The following ZNF569 variants were observed in gnomAD, a reference collection of about 807,000 sequenced individuals.
The protein encoded by ZNF569 is DNA-binding protein.
ZNF569 carries 38 observed loss-of-function variants against 56.3 expected under a neutral mutation model. The observed-to-expected ratio is 0.68, with a 90% CI of 0.52 to 0.88. The LOEUF is 0.88. ZNF569 is among the 40% of genes least tolerant of loss of function. The pLI is 0.00. For synonymous variants in ZNF569, 241 were observed against 262.9 expected, an observed-to-expected ratio of 0.92 and a Z score of 0.81; for missense variants, 666 against 809.2, an observed-to-expected ratio of 0.82 and a Z score of 2.15.
intron 3 of ZNF569, chr19:37,427,673 C>T (rs1200628483): frequency 2.5e-6 from 1 of 400,448 alleles, no homozygotes; most frequent in African/African-American, 2.1e-5. Flanking sequence ...GGGAGATCAG[C>T]TCCTGAAAGC....
chr19:37,415,718 A>C (rs1300560284), intron 5 of ZNF569, among the ~76,000 whole-genome samples: 1 of 150,278 alleles, frequency 6.7e-6, no homozygotes, highest in African/African-American at 2.4e-5. Flanking sequence ...AAAATACAAA[A>C]AAAAAAAAAA....
In ZNF569 at chr19:37,413,675, C is replaced by T; in HGVS notation, c.983G>A (p.Cys328Tyr). The T allele has an allele frequency of 6.2e-7, 1 of 1,614,004 alleles. No individual in the cohort carries two copies. The highest frequency in any genetic ancestry group is 1.1e-5 in the South Asian group (1 of 91,078). Residue 328 changes from cysteine to tyrosine, a missense_variant, in exon 6 of 6, where the codon TGT (cysteine) becomes TAT (tyrosine). Cys to Tyr is a radical substitution (Grantham distance 194). Coordinates refer to ENST00000316950, the MANE Select transcript of ZNF569 (RefSeq NM_152484.3). ...KVHTGEKPYA[C>Y]NECGKAFPRI... Reference sequence around the variant, plus strand: ...AGGGAAGGCTTTACCACATTCATTACATGCATAAGGTTTCTCCCCAGTATG... The same window carrying T: ...AGGGAAGGCTTTACCACATTCATTATATGCATAAGGTTTCTCCCCAGTATG...
At chr19:37,467,797 A>C (rs1395893683), upstream of ZNF569, 5 of 1,295,826 alleles carry the variant, frequency 3.9e-6, no homozygotes, top group East Asian at 1.3e-4. Context: ...GTGACATCTG[A>C]GGTCGTGCGA....
At chr19:37,457,356 T>C (rs2041689367) in intron 2 of ZNF569, among the ~76,000 whole-genome samples, 1 of 152,172 alleles carries the variant, frequency 6.6e-6, no homozygotes, top group South Asian at 2.1e-4. Context: ...CTGTTTAAAC[T>C]TCTTTTTTTC....
At chr19:37,432,904 CTTTT>C (rs869051048) in intron 3 of ZNF569, among the ~76,000 whole-genome samples, 160 of 122,512 alleles carry the variant, frequency 1.3e-3, no homozygotes, top group Admixed American at 4.3e-3. Context: ...ATGCATCAGT[CTTTT>C]TTTTTTTTTT....
intron 3 of ZNF569, among the ~76,000 whole-genome samples, chr19:37,444,652 A>G (rs1032353605): frequency 6.6e-6 from 1 of 152,184 alleles, no homozygotes; most frequent in Admixed American, 6.5e-5. Flanking sequence ...AAAATTATGT[A>G]ACAAATTTTT....
rs574846508 is a variant in ZNF569 at position 37,415,686 on chromosome 19, C to T, written c.239-1267G>A. Among the ~76,000 whole-genome samples the T allele has an allele frequency of 4.1e-5, 6 of 147,888 alleles. No individual in the cohort carries two copies. In the South Asian group the frequency reaches 1.1e-3, roughly 27 times the overall value. On this transcript the variant is annotated intron_variant, in intron 5 of 5. Coordinates refer to ENST00000316950, the MANE Select transcript of ZNF569 (RefSeq NM_152484.3). ...GAGATTGAGACCATCCTGGCTAACACAGTGAAACCCCATCTCTACTAAAAA... is the reference window on the plus strand; with the variant it reads ...GAGATTGAGACCATCCTGGCTAACATAGTGAAACCCCATCTCTACTAAAAA...
upstream of ZNF569, chr19:37,467,553 T>G: frequency 2.9e-6 from 1 of 345,450 alleles, no homozygotes. Context: ...GCAAGGTCCG[T>G]GAAGGAAGCC....
chr19:37,443,732 C>T (rs1175220315), intron 3 of ZNF569, among the ~76,000 whole-genome samples: 2 of 151,818 alleles, frequency 1.3e-5, no homozygotes, highest in Non-Finnish European at 2.9e-5. Context: ...ACGGGCCGGG[C>T]GCAGTGGCTC....
chr19:37,461,037 A>G (rs2041749553), intron 2 of ZNF569, among the ~76,000 whole-genome samples: 1 of 152,164 alleles, frequency 6.6e-6, no homozygotes, highest in Non-Finnish European at 1.5e-5. Context: ...CCAGGGAACC[A>G]CTCCAATAAC....
At chr19:37,457,320 TA>T (rs770830482) in intron 2 of ZNF569, among the ~76,000 whole-genome samples, 3 of 152,272 alleles carry the variant, frequency 2.0e-5, no homozygotes, top group South Asian at 4.1e-4. Flanking sequence ...TCTATACTTA[TA>T]AAATGCATCT....
At position 37,425,901 on chromosome 19, in the gene ZNF569, T is replaced by A. The variant is rs1600302001; in HGVS notation, c.205A>T (p.Met69Leu). Residue 69 changes from methionine (M) to leucine (L), a missense_variant, in exon 5 of 6, where the codon ATG (methionine) becomes TTG (leucine). Transcript: ENST00000316950. Reference protein sequence around the residue: ...KLEQEEEPWVMEEEVLRRHWQ... With the variant: ...KLEQEEEPWVLEEEVLRRHWQ... ...TGTCTCCTTAATACTTCTTCCTCCA[T>A]CACCCATGGTTCTTCTTCTTGCTCC... 6.2e-7 allele frequency: 1 copy of A among 1,614,060 alleles called. No homozygotes were observed. Among genetic ancestry groups the A allele is most frequent in the South Asian group, 1.1e-5 (1 of 91,082 alleles).
intron 2 of ZNF569, among the ~76,000 whole-genome samples, chr19:37,463,421 T>C (rs2041784566): frequency 6.6e-6 from 1 of 152,242 alleles, no homozygotes; most frequent in African/African-American, 2.4e-5. Flanking sequence ...TTTGTGGTGA[T>C]GCTAGTGTCA....
upstream of ZNF569, chr19:37,467,819 T>G: frequency 2.7e-6 from 4 of 1,482,546 alleles, no homozygotes; most frequent in South Asian, 1.2e-5. Flanking sequence ...TATGCGACCT[T>G]TTGTGTGACC....
At chr19:37,415,650 C>G (rs1218801690) in intron 5 of ZNF569, among the ~76,000 whole-genome samples, 1 of 151,038 alleles carries the variant, frequency 6.6e-6, no homozygotes, top group African/African-American at 2.4e-5. Flanking sequence ...GCGGGCGGAT[C>G]GCGAGGTCAG....
chr19:37,456,798 C>T (rs2041677085), intron 2 of ZNF569, among the ~76,000 whole-genome samples: 1 of 151,918 alleles, frequency 6.6e-6, no homozygotes, highest in Non-Finnish European at 1.5e-5. Context: ...GAAACCTCAC[C>T]TCTCCTAAAA....
upstream of ZNF569, among the ~76,000 whole-genome samples, chr19:37,468,311 A>T (rs2041886769): frequency 6.6e-6 from 1 of 151,392 alleles, no homozygotes; most frequent in Non-Finnish European, 1.5e-5. Context: ...CTGCTCTCGA[A>T]CTCCTGAGCT....
At chr19:37,459,163 A>G (rs2041719440) in intron 2 of ZNF569, among the ~76,000 whole-genome samples, 1 of 152,206 alleles carries the variant, frequency 6.6e-6, no homozygotes, top group Non-Finnish European at 1.5e-5. Flanking sequence ...ATGTCCATGA[A>G]TGTTTCAAAT....
chr19:37,438,685 A>T (rs1025971665), intron 3 of ZNF569, among the ~76,000 whole-genome samples: 2 of 152,174 alleles, frequency 1.3e-5, no homozygotes, highest in Non-Finnish European at 2.9e-5. Flanking sequence ...AGGATAATGG[A>T]CTGGGCAAAG....
Sources: allele counts gnomAD v4.1 joint callset (sites outside exome capture counted in the v4.1 genomes callset), GRCh38; gene constraint gnomAD v4.1.1; transcripts MANE v1.5; gene names NCBI Gene and HGNC (gene_info 2026-07-23, HGNC 2026-07-21).